Variants in CRYBB1 observed in about 807,000 individuals in gnomAD.
CRYBB1 encodes beta-crystallin B1.
Under a neutral mutation model 29.5 loss-of-function variants are expected in CRYBB1, and 16 were observed. That is an observed-to-expected ratio of 0.54 (90% CI 0.37 to 0.82). CRYBB1 has a LOEUF of 0.82. Among genes scored for constraint, CRYBB1 ranks in the 40% least tolerant of loss-of-function variants. The pLI, the probability that CRYBB1 is intolerant of heterozygous loss-of-function variation, is 0.00. For synonymous variants in CRYBB1, 127 were observed against 136.7 expected, an observed-to-expected ratio of 0.93 and a Z score of 0.49; for missense variants, 300 against 350.5, an observed-to-expected ratio of 0.86 and a Z score of 1.15.
chr22:26,600,228 C>T (rs908969742), intron 5 of CRYBB1, among the ~76,000 whole-genome samples: 8 of 151,942 alleles, frequency 5.3e-5, no homozygotes, highest in East Asian at 1.9e-4. Context: ...AGTGAAACCC[C>T]GTCTCTACTA....
chr22:26,615,383 T>G (rs780698309), intron 2 of CRYBB1, among the ~76,000 whole-genome samples: 1 of 152,230 alleles, frequency 6.6e-6, no homozygotes, highest in Non-Finnish European at 1.5e-5. Context: ...TTTTTTTTCT[T>G]GCTTTCGATA....
intron 4 of CRYBB1, among the ~76,000 whole-genome samples, chr22:26,604,906 C>T (rs575169257): frequency 1.3e-5 from 2 of 152,296 alleles, no homozygotes; most frequent in East Asian, 3.9e-4. Flanking sequence ...GAACTTGCCA[C>T]CACCTATGAG....
In CRYBB1 at chr22:26,607,943, T is replaced by C; in HGVS notation, c.378A>G (p.Thr126=). ...GATCACTGCGGTAGCTGCTCGACCA[T>C]GTGTTCCAGCGAGGGTACTCGCCCT... ...LEKGEYPRWN[T]WSSSYRSDRL... Residue 126 remains threonine (T), a synonymous_variant, in exon 4 of 6, where the codon ACA becomes ACG. Coordinates refer to ENST00000647684, the MANE Select transcript of CRYBB1 (RefSeq NM_001887.4). 6.2e-7 allele frequency: 1 copy of C among 1,614,202 alleles called. No individual in the cohort carries two copies. Among genetic ancestry groups the C allele is most frequent in the Non-Finnish European group, 8.5e-7 (1 of 1,180,016 alleles).
rs771555836 is a variant in CRYBB1, at chr22:26,612,114, C to T, written c.257G>A (p.Arg86His). 5.0e-6 allele frequency: 8 copies of T among 1,613,738 alleles called. No individual in the cohort carries two copies. The Admixed American group carries it at 8.3e-5, about 17-fold the overall frequency. The change falls in exon 3 of 6, where the codon CGT (arginine) becomes CAT (histidine). Residue 86 changes from arginine (R) to histidine (H), a missense_variant. Arg to His is a conservative substitution (Grantham distance 29). Coordinates refer to ENST00000647684, the MANE Select transcript of CRYBB1 (RefSeq NM_001887.4). ...GATGCTGCGCACACGGTCGAAGCCA[C>T]GGTCTGCCAGATTTGAGCACTCCCC... Reference protein sequence around the residue: ...FSGECSNLADRGFDRVRSIIV... With the variant: ...FSGECSNLADHGFDRVRSIIV...
At chr22:26,615,456 C>T (rs4822752) in intron 2 of CRYBB1, among the ~76,000 whole-genome samples, 87,442 of 151,970 alleles carry the variant, frequency 0.58, 25,560 homozygotes, top group East Asian at 0.8. Context: ...AGCTGTGAAG[C>T]GGTATGGTTT....
intron 3 of CRYBB1, among the ~76,000 whole-genome samples, chr22:26,610,066 A>G (rs1333123729): frequency 6.6e-6 from 1 of 152,222 alleles, no homozygotes; most frequent in Non-Finnish European, 1.5e-5. Context: ...AGTCCCCCTA[A>G]AATCTCCCCT....
At chr22:26,611,454 G>GTTTTTGT (rs1929156112) in intron 3 of CRYBB1, among the ~76,000 whole-genome samples, 1 of 142,696 alleles carries the variant, frequency 7.0e-6, no homozygotes, top group African/African-American at 2.6e-5. Flanking sequence ...GCTAGAGTTT[G>GTTTTTGT]TTTTTTTTTT....
At chr22:26,600,765 A>G (rs181504264) in intron 5 of CRYBB1, among the ~76,000 whole-genome samples, 2 of 152,304 alleles carry the variant, frequency 1.3e-5, no homozygotes, top group East Asian at 1.9e-4. Flanking sequence ...CCCCCTCCCT[A>G]TATTGTAAAG....
intron 3 of CRYBB1, among the ~76,000 whole-genome samples, chr22:26,610,063 CT>C (rs1929110193): frequency 6.6e-6 from 1 of 152,192 alleles, no homozygotes; most frequent in African/African-American, 2.4e-5. Context: ...CCAAGTCCCC[CT>C]AAAATCTCCC....
At position 26,616,215 on chromosome 22, in the gene CRYBB1, G is replaced by A. The variant is rs764527015; in HGVS notation, c.105C>T (p.Pro35=). ...GAPPAGTSPS[P]GTTLAPTTVP... is the part of the protein sequence containing the mutation. Reference sequence around the variant, plus strand: ...CGGTTGTTGGGGCCAGGGTAGTGCCGGGACTAGGGGATGTTCCTGCAGGTG... The same window carrying A: ...CGGTTGTTGGGGCCAGGGTAGTGCCAGGACTAGGGGATGTTCCTGCAGGTG... Residue 35 remains proline, a synonymous_variant, in exon 2 of 6, where the codon CCC becomes CCT. Coordinates refer to ENST00000647684, the MANE Select transcript of CRYBB1 (RefSeq NM_001887.4). 1.9e-5 allele frequency: 31 copies of A among 1,614,018 alleles called. No individual in the cohort carries two copies. Among genetic ancestry groups the A allele is most frequent in the Non-Finnish European group, 2.5e-5 (29 of 1,179,974 alleles).
intron 4 of CRYBB1, among the ~76,000 whole-genome samples, chr22:26,603,355 C>T (rs1311464331): frequency 6.6e-6 from 1 of 151,752 alleles, no homozygotes; most frequent in African/African-American, 2.4e-5. Context: ...CATGGTGAAA[C>T]CCCATCTCTA....
At chr22:26,610,403 C>A in intron 3 of CRYBB1, among the ~76,000 whole-genome samples, 1 of 152,250 alleles carries the variant, frequency 6.6e-6, no homozygotes. Context: ...ACCACAGGCC[C>A]GTTTCCATGC....
intron 4 of CRYBB1, among the ~76,000 whole-genome samples, chr22:26,606,352 T>C (rs1313046654): frequency 1.3e-5 from 2 of 152,252 alleles, no homozygotes; most frequent in Non-Finnish European, 2.9e-5. Context: ...ATGATATCAA[T>C]GCATTGTTGA....
Position 26,616,342 on chromosome 22 carries a change from TA to T in CRYBB1, c.-19-5del. 1 of 1,606,978 alleles carries T rather than the reference TA, an allele frequency of 6.2e-7. No individual in the cohort carries two copies. The highest frequency in any genetic ancestry group is 8.5e-7 in the Non-Finnish European group (1 of 1,176,036). On this transcript the variant is annotated splice_region_variant and splice_polypyrimidine_tract_variant and intron_variant, in intron 1 of 5. Transcript: ENST00000647684. ...CATGGTTCCCGCCTGCAAAAGTCTG[TA>T]AAGAAACTCTGGCCTTCAGGGATGA...
chr22:26,603,125 CAAAAAAA>C (rs779127242), intron 4 of CRYBB1, among the ~76,000 whole-genome samples: 1 of 69,352 alleles, frequency 1.4e-5, no homozygotes, highest in Non-Finnish European at 3.1e-5. Flanking sequence ...GACTCCGTCT[CAAAAAAA>C]AAAAAAAAAA....
intron 2 of CRYBB1, among the ~76,000 whole-genome samples, chr22:26,613,136 C>T (rs2145970114): frequency 6.6e-6 from 1 of 152,330 alleles, no homozygotes; most frequent in South Asian, 2.1e-4. Context: ...CTTGCAAATC[C>T]AACCCTCCAC....
chr22:26,616,375 C>CA, intron 1 of CRYBB1, 37 bp from the exon 2 acceptor site: 1 of 1,428,548 alleles, frequency 7.0e-7, no homozygotes, highest in Non-Finnish European at 9.8e-7. Context: ...ATGACACCCC[C>CA]AAACTGCCTC....
chr22:26,602,047 T>TA (rs1928839007), intron 4 of CRYBB1, 26 bp from the exon 5 acceptor site: 2 of 1,612,176 alleles, frequency 1.2e-6, no homozygotes, highest in Non-Finnish European at 1.7e-6. Context: ...CCGGGTCAGG[T>TA]GTGTGAAGTA....
chr22:26,603,509 G>C (rs181955609), intron 4 of CRYBB1, among the ~76,000 whole-genome samples: 1 of 151,868 alleles, frequency 6.6e-6, no homozygotes, highest in Non-Finnish European at 1.5e-5. Flanking sequence ...CAGCCTGGGC[G>C]ACAGAGCAAG....
Sources: gnomAD v4.1 joint callset for allele counts (sites outside exome capture counted in the v4.1 genomes callset) on GRCh38, gnomAD v4.1.1 for gene constraint, MANE v1.5 for transcripts, NCBI Gene and HGNC (gene_info 2026-07-23, HGNC 2026-07-21) for gene names.